The following ARMC2 variants were observed in gnomAD, a reference collection of about 807,000 sequenced individuals.
ARMC2 encodes armadillo repeat-containing protein 2.
ARMC2 carries 67 observed loss-of-function variants against 90.3 expected under a neutral mutation model. The observed-to-expected ratio is 0.74, with a 90% confidence interval of 0.61 to 0.91. The LOEUF (loss-of-function observed/expected upper bound fraction) is 0.91, where lower values mean the gene tolerates loss of function less well. ARMC2 is among the 40% of genes least tolerant of loss of function. The pLI is 0.00. For missense variants in ARMC2, 920 were observed against 1,030.9 expected (o/e 0.89, Z 1.47); for synonymous variants, 393 against 393.0 (o/e 1.00, Z 0.00).
At chr6:108,904,832 A>G (rs1013387807) in intron 8 of ARMC2, among the ~76,000 whole-genome samples, 1 of 152,180 alleles carries the variant, frequency 6.6e-6, no homozygotes, top group African/African-American at 2.4e-5. Flanking sequence ...ATAACTAAGT[A>G]ATTTAGGCCA....
At chr6:108,957,761 C>T (rs1260300927) in intron 13 of ARMC2, among the ~76,000 whole-genome samples, 1 of 152,188 alleles carries the variant, frequency 6.6e-6, no homozygotes, top group East Asian at 1.9e-4. Flanking sequence ...CTGACCCTCT[C>T]AGTATGCCAC....
intron 6 of ARMC2, among the ~76,000 whole-genome samples, chr6:108,896,169 A>G (rs1771596630): frequency 6.6e-6 from 1 of 152,188 alleles, no homozygotes; most frequent in Non-Finnish European, 1.5e-5. Context: ...TTACGTGCTA[A>G]AAACATCAGC....
At chr6:108,936,641 G>C (rs1211430969) in intron 11 of ARMC2, among the ~76,000 whole-genome samples, 1 of 152,172 alleles carries the variant, frequency 6.6e-6, no homozygotes, top group East Asian at 1.9e-4. Flanking sequence ...TTTCATGTAA[G>C]TTTGTGTTTT....
At chr6:108,962,882 C>G (rs1778096845) in intron 15 of ARMC2, among the ~76,000 whole-genome samples, 1 of 152,090 alleles carries the variant, frequency 6.6e-6, no homozygotes, top group Non-Finnish European at 1.5e-5. Context: ...GGCACAAGTC[C>G]CAGCTACTTG....
rs760632685 is a variant in ARMC2 at position 108,854,329 on chromosome 6, C to A, written c.62C>A (p.Ser21Tyr). The change falls in exon 2 of 18, where the codon TCC becomes TAC. Residue 21 changes from serine (S) to tyrosine (Y), a missense_variant. By Grantham distance (144) the Ser-to-Tyr change is moderately radical (BLOSUM62 -2). Transcript: ENST00000392644. ...KLDPFYQPSV[S>Y]KQKTSAEIIS... The stretch of plus-strand genomic sequence containing the variant: ...GATCCATTTTATCAACCTTCAGTGT[C>A]CAAGCAGAAGACCAGTGCAGAAATC... 1 of 1,612,360 alleles carries A rather than the reference C, an allele frequency of 6.2e-7. No individual in the cohort carries two copies. The highest frequency in any genetic ancestry group is 1.1e-5 in the South Asian group (1 of 91,008).
At chr6:108,947,178 GAC>G (rs1281681426) in intron 12 of ARMC2, among the ~76,000 whole-genome samples, 1 of 152,114 alleles carries the variant, frequency 6.6e-6, no homozygotes, top group African/African-American at 2.4e-5. Context: ...ATTTTGAGAT[GAC>G]AGAGTCGAGG....
At chr6:108,900,584 A>G (rs1772032657) in intron 7 of ARMC2, among the ~76,000 whole-genome samples, 1 of 152,208 alleles carries the variant, frequency 6.6e-6, no homozygotes, top group South Asian at 2.1e-4. Flanking sequence ...GAAGCAGGGT[A>G]AATGAACCCT....
chr6:109,035,210 G>C, the ARMC2 span, among the ~76,000 whole-genome samples: 2 of 151,898 alleles, frequency 1.3e-5, no homozygotes, highest in African/African-American at 2.4e-5. Context: ...CTCCAAAAAA[G>C]AACTGACCCC....
chr6:108,994,155 AAAAAAAAAG>A, the ARMC2 span, among the ~76,000 whole-genome samples: 1 of 150,914 alleles, frequency 6.6e-6, no homozygotes, highest in Non-Finnish European at 1.5e-5. Context: ...AAAAAAAAAA[AAAAAAAAAG>A]AGAAAAAAGA....
the ARMC2 span, among the ~76,000 whole-genome samples, chr6:108,989,564 GATCT>G: frequency 5.8e-5 from 6 of 104,148 alleles, no homozygotes; most frequent in Non-Finnish European, 1.2e-4. Flanking sequence ...TAGATCTCTA[GATCT>G]AGAGATATCT....
the ARMC2 span, among the ~76,000 whole-genome samples, chr6:109,012,745 T>C: frequency 2.6e-3 from 394 of 151,988 alleles, 1 homozygote; most frequent in South Asian, 0.011. Context: ...AGTGATCCAT[T>C]AGGGAAGCAG....
intron 5 of ARMC2, among the ~76,000 whole-genome samples, chr6:108,879,294 A>G (rs1487516788): frequency 6.6e-6 from 1 of 150,438 alleles, no homozygotes; most frequent in East Asian, 2.0e-4. Flanking sequence ...CCATCCATCT[A>G]TCCATCCATC....
intron 12 of ARMC2, among the ~76,000 whole-genome samples, chr6:108,951,532 G>C (rs563403979): frequency 3.9e-5 from 6 of 152,222 alleles, no homozygotes; most frequent in African/African-American, 1.4e-4. Flanking sequence ...ATGGTTTCCG[G>C]TTGTGCAAGC....
At chr6:109,036,438 C>A in the ARMC2 span, among the ~76,000 whole-genome samples, 1 of 152,180 alleles carries the variant, frequency 6.6e-6, no homozygotes, top group East Asian at 1.9e-4. Context: ...GATGGCATGG[C>A]ACTAATATTG....
At chr6:109,031,375 G>A in the ARMC2 span, among the ~76,000 whole-genome samples, 1 of 152,144 alleles carries the variant, frequency 6.6e-6, no homozygotes, top group African/African-American at 2.4e-5. Flanking sequence ...CACTTCAGTG[G>A]AAGAGGTAGT....
At chr6:109,041,614 T>C in the ARMC2 span, among the ~76,000 whole-genome samples, 1 of 152,082 alleles carries the variant, frequency 6.6e-6, no homozygotes, top group Non-Finnish European at 1.5e-5. Flanking sequence ...AGGGACATTA[T>C]ATATCATGAT....
At position 108,869,011 on chromosome 6, in the gene ARMC2, A is replaced by G; in HGVS notation, c.463+16A>G. The G allele has an allele frequency of 1.9e-6, 3 of 1,575,076 alleles. No homozygotes were observed. Reference sequence around the variant, plus strand: ...CCCTCCGACTGTAAGGCCATGTAACATCCTGTAATCTCTGGGGACAGGCAT... The same window carrying G: ...CCCTCCGACTGTAAGGCCATGTAACGTCCTGTAATCTCTGGGGACAGGCAT... On this transcript the variant is annotated intron_variant, in intron 4 of 17. Transcript: ENST00000392644.
At chr6:109,022,788 AAATGGG>A in the ARMC2 span, among the ~76,000 whole-genome samples, 1 of 152,150 alleles carries the variant, frequency 6.6e-6, no homozygotes, top group Non-Finnish European at 1.5e-5. Flanking sequence ...TTCATTTTAG[AAATGGG>A]AAACTCAGAG....
chr6:108,900,350 C>T (rs369913673), intron 7 of ARMC2, among the ~76,000 whole-genome samples: 5 of 152,206 alleles, frequency 3.3e-5, no homozygotes, highest in East Asian at 1.9e-4. Context: ...ATCGATGGGT[C>T]CCTGCAAGGG....
Sources: allele counts gnomAD v4.1 joint callset (sites outside exome capture counted in the v4.1 genomes callset), GRCh38; gene constraint gnomAD v4.1.1; transcripts MANE v1.5; gene names NCBI Gene and HGNC (gene_info 2026-07-23, HGNC 2026-07-21).